The following TCAF1 variants were observed in gnomAD, a reference collection of about 807,000 sequenced individuals.
TCAF1 encodes TRPM8 channel-associated factor 1.
A neutral mutation model predicts 27.3 loss-of-function variants in TCAF1; 4 were observed. The ratio of observed to expected loss-of-function variants is 0.15; its 90% CI spans 0.07 to 0.34. TCAF1 has a LOEUF of 0.34. TCAF1 is among the 10% of genes least tolerant of loss of function. The pLI is 1.00. For synonymous variants in TCAF1, 105 were observed against 167.1 expected (o/e 0.63, Z 2.87); for missense variants, 257 against 425.8 (o/e 0.60, Z 3.49).
chr7:143,883,136 G>C (rs1813172629), intron 1 of TCAF1, among the ~76,000 whole-genome samples: 1 of 152,224 alleles, frequency 6.6e-6, no homozygotes, highest in African/African-American at 2.4e-5. Flanking sequence ...CAAACATTCT[G>C]CTTAGTATTA....
chr7:143,882,785 G>C, intron 1 of TCAF1: 1 of 985,746 alleles, frequency 1.0e-6, no homozygotes, highest in Non-Finnish European at 1.2e-6. Flanking sequence ...GGCAGAGCCT[G>C]GCGCAGAGAG....
rs2116775004 is a variant in TCAF1, at chr7:143,876,243, C to T, written c.366G>A (p.Leu122=). 2 of 1,614,218 alleles carry T rather than the reference C, an allele frequency of 1.2e-6. No homozygotes were observed. Among genetic ancestry groups the T allele is most frequent in the African/African-American group, 1.3e-5 (1 of 75,052 alleles). Residue 122 remains leucine (L), a synonymous_variant, in exon 2 of 9, where the codon CTG becomes CTA. Coordinates refer to ENST00000479870, the MANE Select transcript of TCAF1 (RefSeq NM_014719.3). ...AKVEPEVKDS[L]GVYCIDAYNE... is the part of the protein sequence containing the mutation. Reference sequence around the variant, plus strand: ...TGTAGGCATCAATACAGTAAACCCCCAGGGAGTCTTTCACTTCTGGCTCAA... The same window carrying T: ...TGTAGGCATCAATACAGTAAACCCCTAGGGAGTCTTTCACTTCTGGCTCAA...
At chr7:143,880,144 C>T (rs1269613462) in intron 1 of TCAF1, among the ~76,000 whole-genome samples, 1 of 152,210 alleles carries the variant, frequency 6.6e-6, no homozygotes, top group African/African-American at 2.4e-5. Flanking sequence ...GTAGTAACAA[C>T]ACAATGCTTA....
chr7:143,852,848 ATTCTTT>A lies in TCAF1; in HGVS notation c.*1279_*1284del, dbSNP rs1263447387. The A allele has an allele frequency of 3.2e-4, 48 of 149,080 alleles. No homozygotes were observed. The highest frequency in any genetic ancestry group is 1.2e-3 in the African/African-American group (46 of 39,844). 9.2% of individuals were successfully genotyped at this position (149,080 alleles called of 1,614,324 possible). On this transcript the variant is annotated 3_prime_UTR_variant, in exon 9 of 9. Transcript: ENST00000479870. ...GAGACTTAGCTTGCTCTGTTCTTCAATTCTTTTTCTTTTTATTTCTTCACCTACACT... is the reference window on the plus strand; with the variant it reads ...GAGACTTAGCTTGCTCTGTTCTTCAATTCTTTTTATTTCTTCACCTACACT...
chr7:143,887,368 G>GA (rs1813456887), intron 1 of TCAF1, among the ~76,000 whole-genome samples: 1 of 152,030 alleles, frequency 6.6e-6, no homozygotes, highest in African/African-American at 2.4e-5. Context: ...TTTTTGCAGG[G>GA]AAAAAATTCT....
chr7:143,867,788 A>AT (rs1173535759), intron 2 of TCAF1, among the ~76,000 whole-genome samples: 10 of 78,912 alleles, frequency 1.3e-4, no homozygotes, highest in Non-Finnish European at 2.5e-4. Flanking sequence ...GTCTAGATCT[A>AT]TTTTTAAATA....
intron 1 of TCAF1, among the ~76,000 whole-genome samples, chr7:143,887,033 T>A (rs1813442436): frequency 6.6e-6 from 1 of 151,954 alleles, no homozygotes; most frequent in African/African-American, 2.4e-5. Flanking sequence ...GCTGGTTCTA[T>A]CTCCTCTTTC....
At chr7:143,884,710 G>T (rs1201024075) in intron 1 of TCAF1, among the ~76,000 whole-genome samples, 1 of 148,500 alleles carries the variant, frequency 6.7e-6, no homozygotes, top group Non-Finnish European at 1.5e-5. Flanking sequence ...GATTTGGTGG[G>T]GGGAAGGGGT....
intron 1 of TCAF1, among the ~76,000 whole-genome samples, chr7:143,892,481 G>A (rs1813683844): frequency 6.8e-6 from 1 of 147,260 alleles, no homozygotes; most frequent in South Asian, 2.1e-4. Flanking sequence ...TAACAAAGAA[G>A]AAATGGAACA....
intron 1 of TCAF1, among the ~76,000 whole-genome samples, chr7:143,886,775 G>C (rs902024424): frequency 7.5e-6 from 1 of 133,922 alleles, no homozygotes. Context: ...CTGCAACCTC[G>C]AACTCCTGGG....
rs1219657014 is a variant in TCAF1, at chr7:143,860,020, T to TTATATATTATATATATAATATATAA, written c.2167+163_2167+187dup. Among the ~76,000 whole-genome samples the TTATATATTATATATATAATATATAA allele has an allele frequency of 4.0e-3, 55 of 13,710 alleles. 1 individual carries two copies. Among genetic ancestry groups the TTATATATTATATATATAATATATAA allele is most frequent in the African/African-American group, 6.7e-3 (37 of 5,514 alleles). 9.0% of individuals were successfully genotyped at this position (13,710 alleles called of 152,430 possible). On this transcript the variant is annotated intron_variant, in intron 6 of 8. Transcript: ENST00000479870. The stretch of plus-strand genomic sequence containing the variant: ...TTATATAATATATATATAATATATA[T>TTATATATTATATATATAATATATAA]TATATATTATATATATAATATATAA...
rs570336382 is a variant in TCAF1 at position 143,874,554 on chromosome 7, G to A, written c.620+1435C>T. On this transcript the variant is annotated intron_variant, in intron 2 of 8. Transcript: ENST00000479870. The stretch of plus-strand genomic sequence containing the variant: ...TTTAGAGTATGACCATTTGTACGGC[G>A]TTCTTTTCTATGCATCTCTGATGAC... Among the ~76,000 whole-genome samples the A allele has an allele frequency of 5.7e-5, 8 of 140,222 alleles. No homozygotes were observed. In the East Asian group the frequency reaches 1.1e-3, roughly 18 times the overall value. 92.0% of individuals were successfully genotyped at this position (140,222 alleles called of 152,430 possible).
Position 143,876,138 on chromosome 7 carries a change from C to T in TCAF1, c.471G>A (p.Trp157Ter). 1 of 1,614,212 alleles carries T rather than the reference C, an allele frequency of 6.2e-7. No individual in the cohort carries two copies. Among genetic ancestry groups the T allele is most frequent in the Non-Finnish European group, 8.5e-7 (1 of 1,180,044 alleles). ...CCCTTTCATCCTCCCCCTGGTTGGCCCAATCCCAGGCTTGTCCTCCTATGA... is the reference window on the plus strand; with the variant it reads ...CCCTTTCATCCTCCCCCTGGTTGGCTCAATCCCAGGCTTGTCCTCCTATGA... ...GLLIGGQAWD[W>*]ANQGEDERVL... The change falls in exon 2 of 9, where the codon TGG becomes TGA. Residue 157 changes from tryptophan (W) to a stop codon, truncating the protein, a stop_gained. Coordinates refer to ENST00000479870, the MANE Select transcript of TCAF1 (RefSeq NM_014719.3). LOFTEE classifies it high-confidence loss of function.
At chr7:143,886,605 C>G (rs927809883) in intron 1 of TCAF1, 2 of 863,364 alleles carry the variant, frequency 2.3e-6, no homozygotes, top group Admixed American at 6.2e-5. Context: ...CAAACAGCAG[C>G]CTAAAGCAGA....
At chr7:143,891,808 C>T (rs1813646551) in intron 1 of TCAF1, among the ~76,000 whole-genome samples, 1 of 152,112 alleles carries the variant, frequency 6.6e-6, no homozygotes, top group Non-Finnish European at 1.5e-5. Flanking sequence ...AAGAAAACTA[C>T]ATTGAGACAC....
intron 6 of TCAF1, among the ~76,000 whole-genome samples, chr7:143,859,989 T>TATATATTATGTA (rs1414818655): frequency 3.7e-4 from 12 of 32,134 alleles, no homozygotes; most frequent in Non-Finnish European, 7.5e-4. Flanking sequence ...TATTATATAA[T>TATATATTATGTA]ATATATTATA....
intron 1 of TCAF1, among the ~76,000 whole-genome samples, chr7:143,895,491 G>T (rs1161562055): frequency 6.6e-6 from 1 of 151,908 alleles, no homozygotes; most frequent in Non-Finnish European, 1.5e-5. Context: ...TTATTTTTGA[G>T]AGTGAAAATT....
chr7:143,871,929 C>CA (rs1410160743), intron 2 of TCAF1, among the ~76,000 whole-genome samples: 1 of 69,746 alleles, frequency 1.4e-5, no homozygotes, highest in Non-Finnish European at 3.0e-5. Context: ...ATTAAATGAC[C>CA]AATTTTAACA....
intron 1 of TCAF1, among the ~76,000 whole-genome samples, chr7:143,892,733 G>C (rs1364205748): frequency 6.6e-6 from 1 of 152,050 alleles, no homozygotes; most frequent in African/African-American, 2.4e-5. Flanking sequence ...GCCTTTGGGA[G>C]GTAATTAGAT....
Sources: allele counts gnomAD v4.1 joint callset (sites outside exome capture counted in the v4.1 genomes callset), GRCh38; gene constraint gnomAD v4.1.1; transcripts MANE v1.5; gene names NCBI Gene and HGNC (gene_info 2026-07-23, HGNC 2026-07-21).